Variants in PTPRN2 observed in about 807,000 individuals in gnomAD.
PTPRN2 encodes protein tyrosine phosphatase receptor type N2, also known as receptor-type tyrosine-protein phosphatase N2.
A neutral mutation model predicts 118.8 loss-of-function variants in PTPRN2; 74 were observed. That is an observed-to-expected ratio of 0.62 (90% CI 0.52 to 0.76). The LOEUF (loss-of-function observed/expected upper bound fraction) is 0.76, where lower values mean the gene tolerates loss of function less well. Ranked by LOEUF, PTPRN2 falls within the 30% of genes least tolerant of loss-of-function variation. The pLI, the probability that PTPRN2 is intolerant of heterozygous loss-of-function variation, is 0.00. For synonymous variants in PTPRN2, 641 were observed against 608.0 expected, an observed-to-expected ratio of 1.05 and a Z score of -0.80; for missense variants, 1,481 against 1,394.4, an observed-to-expected ratio of 1.06 and a Z score of -0.99.
At chr7:158,225,112 C>CTTT (rs111497029) in intron 3 of PTPRN2, among the ~76,000 whole-genome samples, 1 of 149,334 alleles carries the variant, frequency 6.7e-6, no homozygotes, top group African/African-American at 2.5e-5. Flanking sequence ...ATCACTGTTA[C>CTTT]TTTTTTTTTT....
At chr7:158,413,080 GCCCTCCTCAGCTCCAGGACCCATCCAGCA>G (rs1255011180) in intron 2 of PTPRN2, among the ~76,000 whole-genome samples, 387 of 127,764 alleles carry the variant, frequency 3.0e-3, no homozygotes, top group African/African-American at 0.011. Flanking sequence ...CCGTCTCAGC[GCCCTCCTCAGCTCCAGGACCCATCCAGCA>G]CCCTCCTCAG....
intron 6 of PTPRN2, 34 bp downstream of exon 6, chr7:158,166,897 A>T (rs1446216748): frequency 1.4e-6 from 2 of 1,419,948 alleles, no homozygotes; most frequent in African/African-American, 2.9e-5. Flanking sequence ...GAGGACAGTC[A>T]GCAAACAAGA....
At chr7:157,642,492 A>C (rs1804731971) in intron 14 of PTPRN2, among the ~76,000 whole-genome samples, 1 of 152,188 alleles carries the variant, frequency 6.6e-6, no homozygotes, top group Non-Finnish European at 1.5e-5. Context: ...GACCAGATGG[A>C]GGCGGCCTCT....
intron 12 of PTPRN2, among the ~76,000 whole-genome samples, chr7:157,699,569 G>A (rs1223095934): frequency 6.6e-6 from 1 of 152,166 alleles, no homozygotes; most frequent in Non-Finnish European, 1.5e-5. Context: ...GATTACAGGT[G>A]TCTGCCACCA....
Position 157,591,163 on chromosome 7 carries a change from A to G in PTPRN2, c.2496+4075T>C, listed in dbSNP as rs115451147. On this transcript the variant is annotated intron_variant, in intron 17 of 22. Transcript: ENST00000389418. This position sits in a 1 kb window ranked among gnomAD's most constrained non-coding sequence, Gnocchi z 4.4. ...GGGAAAAGCTGTGTGACAGGGAGGC[A>G]GAGATGAGGGGGACACTTCGAATCC... Among the ~76,000 whole-genome samples the G allele has an allele frequency of 2.6e-3, 402 of 152,296 alleles. 3 individuals carry two copies. The highest frequency in any genetic ancestry group is 9.2e-3 in the African/African-American group (382 of 41,572).
intron 2 of PTPRN2, among the ~76,000 whole-genome samples, chr7:158,375,463 G>A (rs1050668837): frequency 5.3e-5 from 8 of 152,192 alleles, no homozygotes; most frequent in Non-Finnish European, 1.0e-4. Flanking sequence ...GGGATGTGGT[G>A]GGACAGCACA....
At chr7:157,942,936 A>C (rs1024241013) in intron 11 of PTPRN2, among the ~76,000 whole-genome samples, 2 of 152,080 alleles carry the variant, frequency 1.3e-5, no homozygotes, top group African/African-American at 4.8e-5. Context: ...AAAGTCAAAC[A>C]CACCGTCTCC....
rs778337374 is a variant in PTPRN2 at position 157,893,977 on chromosome 7, C to T, written c.1788+4696G>A. 1.3e-5 allele frequency among the ~76,000 whole-genome samples: 2 copies of T among 152,122 alleles called. No individual in the cohort carries two copies. Among genetic ancestry groups the T allele is most frequent in the Non-Finnish European group, 2.9e-5 (2 of 68,028 alleles). ...TTCTGCCTTCAGAGGAAACAATGGG[C>T]CTTATTCCTCGATACACCTCCAGCT... On this transcript the variant is annotated intron_variant, in intron 12 of 22. Coordinates refer to ENST00000389418, the MANE Select transcript of PTPRN2 (RefSeq NM_002847.5). This position sits in a 1 kb window ranked among gnomAD's most constrained non-coding sequence, Gnocchi z 4.0.
intron 12 of PTPRN2, among the ~76,000 whole-genome samples, chr7:157,803,289 C>T (rs1221939763): frequency 6.6e-6 from 1 of 152,166 alleles, no homozygotes; most frequent in Non-Finnish European, 1.5e-5. Flanking sequence ...AATATTAACT[C>T]CTTATCCGTT....
rs900686841 is a variant in PTPRN2 at position 157,676,209 on chromosome 7, C to A, written c.2001+6516G>T. On this transcript the variant is annotated intron_variant, in intron 13 of 22. Transcript: ENST00000389418. This position sits in a 1 kb window ranked among gnomAD's most constrained non-coding sequence, Gnocchi z 5.6. ...ACTGGGAGGACCTCTTCCCTCTAGC[C>A]CAGTTCCTCCTGGCAGCCCTGCAAA... 5.3e-5 allele frequency among the ~76,000 whole-genome samples: 8 copies of A among 152,132 alleles called. No homozygotes were observed. The highest frequency in any genetic ancestry group is 1.9e-4 in the African/African-American group (8 of 41,420).
At chr7:157,882,723 CTGT>C (rs961258679) in intron 12 of PTPRN2, among the ~76,000 whole-genome samples, 1 of 146,280 alleles carries the variant, frequency 6.8e-6, no homozygotes, top group African/African-American at 2.5e-5. Flanking sequence ...CCCCAAAAAA[CTGT>C]TGAAGAACAG....
chr7:157,633,682 T>G (rs1804107793), intron 14 of PTPRN2, among the ~76,000 whole-genome samples: 1 of 150,238 alleles, frequency 6.7e-6, no homozygotes. Flanking sequence ...TGAGTGGGGG[T>G]GGGGTCCTAC....
chr7:157,895,153 A>G (rs1797036405), intron 12 of PTPRN2, among the ~76,000 whole-genome samples: 1 of 151,962 alleles, frequency 6.6e-6, no homozygotes, highest in Non-Finnish European at 1.5e-5. Context: ...AATAAGCCAG[A>G]GGGTCTGAAC....
At chr7:157,580,122 T>C (rs1800267756) in intron 17 of PTPRN2, among the ~76,000 whole-genome samples, 1 of 152,230 alleles carries the variant, frequency 6.6e-6, no homozygotes, top group Non-Finnish European at 1.5e-5. Context: ...ACTTGGTCTT[T>C]GCTGACAGGT....
intron 11 of PTPRN2, among the ~76,000 whole-genome samples, chr7:157,969,487 T>C (rs1802169181): frequency 6.6e-6 from 1 of 152,154 alleles, no homozygotes. Context: ...AGTGAAATCA[T>C]CATGAGAAGG....
intron 11 of PTPRN2, among the ~76,000 whole-genome samples, chr7:157,942,519 A>G (rs567167519): frequency 1.3e-5 from 2 of 152,156 alleles, no homozygotes; most frequent in African/African-American, 4.8e-5. Context: ...GAAGTATGCA[A>G]ATGAGTTCTT....
At chr7:158,006,125 C>G (rs916760216) in intron 11 of PTPRN2, among the ~76,000 whole-genome samples, 4 of 152,196 alleles carry the variant, frequency 2.6e-5, no homozygotes, top group African/African-American at 9.6e-5. Context: ...CTTCCTCCTG[C>G]CTCTCCTGGG....
At chr7:157,612,854 G>C (rs1022300854) in intron 15 of PTPRN2, among the ~76,000 whole-genome samples, 1 of 152,208 alleles carries the variant, frequency 6.6e-6, no homozygotes, top group South Asian at 2.1e-4. Context: ...GGGGTGAAGC[G>C]GGGAAGCGGG....
chr7:158,312,843 G>A (rs537199670), intron 3 of PTPRN2, among the ~76,000 whole-genome samples: 1 of 150,274 alleles, frequency 6.7e-6, no homozygotes, highest in Non-Finnish European at 1.5e-5. Flanking sequence ...CGTGAGCATG[G>A]GTGTGTGTGC....
Sources: allele counts gnomAD v4.1 joint callset (sites outside exome capture counted in the v4.1 genomes callset), GRCh38; gene constraint gnomAD v4.1.1; non-coding constraint Gnocchi (gnomAD v3.1); transcripts MANE v1.5; gene names NCBI Gene and HGNC (gene_info 2026-07-23, HGNC 2026-07-21).